Variants in IFT22 observed in about 807,000 individuals in gnomAD.
IFT22 encodes intraflagellar transport 22.
A neutral mutation model predicts 21.0 loss-of-function variants in IFT22; 13 were observed. That is an observed-to-expected ratio of 0.62 (90% confidence interval 0.40 to 0.98). The LOEUF (loss-of-function observed/expected upper bound fraction) is 0.98. Ranked by LOEUF, IFT22 falls within the 50% of genes least tolerant of loss-of-function variation. IFT22 has a pLI of 0.00. For synonymous variants in IFT22, 67 were observed against 82.4 expected (o/e 0.81, Z 1.01); for missense variants, 227 against 228.9 (o/e 0.99, Z 0.06).
chr7:101,321,494 C>A (rs1029153902), intron 1 of IFT22, 177 bp downstream of exon 1: 4 of 620,798 alleles, frequency 6.4e-6, no homozygotes, highest in African/African-American at 5.9e-5. Context: ...TGGTTGGAAT[C>A]AAGGTCTGAA....
At chr7:101,315,363 A>C in intron 4 of IFT22, 81 bp from the exon 5 acceptor site, 1 of 1,474,350 alleles carries the variant, frequency 6.8e-7, no homozygotes, top group African/African-American at 1.4e-5. Flanking sequence ...CTTCTAGAAG[A>C]AATTTAACTT....
In IFT22 at chr7:101,312,890, A is replaced by T. The variant is rs1382388485; in HGVS notation, c.*2244T>A. Among the ~76,000 whole-genome samples, 1 of 149,028 alleles carries T rather than the reference A, an allele frequency of 6.7e-6. No homozygotes were observed. The highest frequency in any genetic ancestry group is 1.5e-5 in the Non-Finnish European group (1 of 67,202). ...CTCTTGTTGCCCAGGCTGGAGTGCA[A>T]TGGCACAATCTCGGCTTACTGCAAC... On this transcript the variant is annotated 3_prime_UTR_variant, in exon 5 of 5. Transcript: ENST00000315322.
rs561339522 is a variant in IFT22 at position 101,320,331 on chromosome 7, C to T, written c.40-1299G>A. Among the ~76,000 whole-genome samples, 133 of 151,570 alleles carry T rather than the reference C, an allele frequency of 8.8e-4. 2 individuals are homozygous for T. The South Asian group carries it at 0.027, about 30-fold the overall frequency. The stretch of plus-strand genomic sequence containing the variant: ...TGTCTCCCAGGCTGGAGTGCAGTGG[C>T]GCAGACTTGGCTCACTGCAAGCTCC... On this transcript the variant is annotated intron_variant, in intron 1 of 4. Transcript: ENST00000315322.
At position 101,312,411 on chromosome 7, in the gene IFT22, CAG is replaced by C. The variant is rs774961447; in HGVS notation, c.*2721_*2722del. Among the ~76,000 whole-genome samples, 1 of 151,860 alleles carries C rather than the reference CAG, an allele frequency of 6.6e-6. No homozygotes were observed. The highest frequency in any genetic ancestry group is 1.5e-5 in the Non-Finnish European group (1 of 68,028). On this transcript the variant is annotated 3_prime_UTR_variant, in exon 5 of 5. Coordinates refer to ENST00000315322, the MANE Select transcript of IFT22 (RefSeq NM_022777.4). Reference sequence around the variant, plus strand: ...TGCCACTGCACTCCAGCCGGGATGACAGAGTGACACCGTGTCTCAAAAAAACA... The same window carrying C: ...TGCCACTGCACTCCAGCCGGGATGACAGTGACACCGTGTCTCAAAAAAACA...
rs1296451470 is a variant in IFT22, at chr7:101,318,075, C to T, written c.206+49G>A. 3 of 1,548,898 alleles carry T rather than the reference C, an allele frequency of 1.9e-6. No individual in the cohort carries two copies. In the Admixed American group the frequency reaches 5.0e-5, roughly 26 times the overall value. ...GAGCCACCGCCCCTGGCTTGGGCAG[C>T]TGATTTTTAAACCATTTGATGAAGT... On this transcript the variant is annotated intron_variant, in intron 3 of 4. Coordinates refer to ENST00000315322, the MANE Select transcript of IFT22 (RefSeq NM_022777.4).
At position 101,318,118 on chromosome 7, in the gene IFT22, A is replaced by G. The variant is rs1016601342; in HGVS notation, c.206+6T>C. ...GATGAAGTGACTTTCTTTAAAGGAA[A>G]CATACTTAGCATCGCCACCACAGTC... On this transcript the variant is annotated splice_donor_region_variant and intron_variant, in intron 3 of 4. Coordinates refer to ENST00000315322, the MANE Select transcript of IFT22 (RefSeq NM_022777.4). 4.3e-6 allele frequency: 7 copies of G among 1,611,340 alleles called. No individual in the cohort carries two copies. Among genetic ancestry groups the G allele is most frequent in the Non-Finnish European group, 5.9e-6 (7 of 1,177,778 alleles).
Position 101,321,793 on chromosome 7 carries a change from A to C in IFT22, c.-84T>G, listed in dbSNP as rs927802974. The C allele has an allele frequency of 7.3e-7, 1 of 1,376,118 alleles. No individual in the cohort carries two copies. Among genetic ancestry groups the C allele is most frequent in the Non-Finnish European group, 9.6e-7 (1 of 1,039,856 alleles). The allele number at this position is 1,376,118 out of a possible 1,614,324, so 85.2% of individuals were successfully genotyped here. A position where few individuals can be genotyped will look rare whatever the true frequency, so the allele number is the denominator to read the frequency against. On this transcript the variant is annotated 5_prime_UTR_variant, in exon 1 of 5. An upstream start codon of the reference 5' UTR is lost. Transcript: ENST00000315322. ...GCTCTACTTGGCCGCTTTCGTTTCC[A>C]TGGCGACGGAGAGAGGCCCGCAGGG...
Position 101,313,718 on chromosome 7 carries a change from G to T in IFT22, c.*1416C>A, listed in dbSNP as rs1013466716. 6.6e-6 allele frequency: 1 copy of T among 152,306 alleles called. No homozygotes were observed. The highest frequency in any genetic ancestry group is 1.9e-4 in the East Asian group (1 of 5,176). The allele number at this position is 152,306 out of a possible 1,614,324, so 9.4% of individuals were successfully genotyped here. ...ATTTGGGGGTTACAAACATATTTTA[G>T]TGAGTAGGCAAATTCTCAAATACAA... On this transcript the variant is annotated 3_prime_UTR_variant, in exon 5 of 5. Transcript: ENST00000315322.
rs891944157 is a variant in IFT22 at position 101,314,781 on chromosome 7, G to A, written c.*353C>T. On this transcript the variant is annotated 3_prime_UTR_variant, in exon 5 of 5. Transcript: ENST00000315322. ...ATCAAGGAATGAAAATCACATTCAA[G>A]CCAATACACGTGATTAAACTACTGT... 7 of 210,100 alleles carry A rather than the reference G, an allele frequency of 3.3e-5. No individual in the cohort carries two copies. The Admixed American group carries it at 3.9e-4, about 12-fold the overall frequency. 13.0% of individuals were successfully genotyped at this position (210,100 alleles called of 1,614,324 possible). A position where few individuals can be genotyped will look rare whatever the true frequency, so the allele number is the denominator to read the frequency against.
At chr7:101,315,311 CAA>C (rs764590536) in intron 4 of IFT22, 29 bp from the exon 5 acceptor site, 15 of 1,613,512 alleles carry the variant, frequency 9.3e-6, no homozygotes, top group South Asian at 2.2e-5. Flanking sequence ...GTTAATTAGG[CAA>C]AGAGTTTCCA....
chr7:101,316,463 G>C lies in IFT22; in HGVS notation c.286C>G (p.Arg96Gly), dbSNP rs140464086. Residue 96 changes from arginine to glycine, a missense_variant, in exon 4 of 5, where the codon CGG (arginine) becomes GGG (glycine). Arg to Gly is a moderately radical substitution (Grantham distance 125). Transcript: ENST00000315322. ...GAATACCACATCTCCATTTCCTTCC[G>C]GTGGCTTGGGATGTCAGCATTGAAG... is the stretch of plus-strand genomic sequence containing the variant. ...IVFNADIPSH[R>G]KEMEMWYSCF... 6.2e-7 allele frequency: 1 copy of C among 1,614,096 alleles called. No homozygotes were observed. Among genetic ancestry groups the C allele is most frequent in the South Asian group, 1.1e-5 (1 of 91,082 alleles).
At chr7:101,321,142 C>T (rs947977764) in intron 1 of IFT22, among the ~76,000 whole-genome samples, 1 of 151,482 alleles carries the variant, frequency 6.6e-6, no homozygotes, top group Non-Finnish European at 1.5e-5. Context: ...GACTCTGTCT[C>T]AAAAAAACAA....
chr7:101,318,904 C>G, intron 2 of IFT22, 52 bp downstream of exon 2: 15 of 1,441,406 alleles, frequency 1.0e-5, no homozygotes, highest in Non-Finnish European at 1.4e-5. Flanking sequence ...AGGAATGAGC[C>G]TCCCTGCCGA....
At chr7:101,316,270 G>T in intron 4 of IFT22, 70 bp downstream of exon 4, 1 of 1,454,576 alleles carries the variant, frequency 6.9e-7, no homozygotes, top group Non-Finnish European at 9.6e-7. Flanking sequence ...TGGTTTCTAG[G>T]ACATGGGACA....
rs1170589232 is a variant in IFT22 at position 101,319,013 on chromosome 7, G to C, written c.59C>G (p.Ala20Gly). The C allele has an allele frequency of 6.2e-7, 1 of 1,613,862 alleles. No individual in the cohort carries two copies. The highest frequency in any genetic ancestry group is 2.2e-5 in the East Asian group (1 of 44,864). ...GTCAGAAGATTCTGTCAGAAAGTTG[G>C]CCAAAACAGTTTTTCCACTCTGTGA... ...GPCESGKTVL[A>G]NFLTESSDIT... The change falls in exon 2 of 5, where the codon GCC becomes GGC. Residue 20 changes from alanine (A) to glycine (G), a missense_variant. Transcript: ENST00000315322.
chr7:101,321,249 G>C (rs373216558), intron 1 of IFT22, among the ~76,000 whole-genome samples: 2 of 152,206 alleles, frequency 1.3e-5, no homozygotes, highest in African/African-American at 4.8e-5. Flanking sequence ...CTTGAGCCCA[G>C]GGAAGTCGAG....
chr7:101,315,307 T>G (rs771446572), intron 4 of IFT22, 25 bp from the exon 5 acceptor site: 6 of 1,613,736 alleles, frequency 3.7e-6, no homozygotes, highest in Admixed American at 1.7e-5. Flanking sequence ...TAAGGTTAAT[T>G]AGGCAAAGAG....
chr7:101,312,039 G>A lies in IFT22; in HGVS notation c.*3095C>T, dbSNP rs557834947. Among the ~76,000 whole-genome samples the A allele has an allele frequency of 2.6e-5, 4 of 152,178 alleles. No homozygotes were observed. Among genetic ancestry groups the A allele is most frequent in the South Asian group, 2.1e-4 (1 of 4,824 alleles). On this transcript the variant is annotated 3_prime_UTR_variant, in exon 5 of 5. Coordinates refer to ENST00000315322, the MANE Select transcript of IFT22 (RefSeq NM_022777.4). ...TTCTACAATAAACCGTAAACTCACC[G>A]TATCTAGTGATTCTGTACATTAAAT...
intron 2 of IFT22, 111 bp downstream of exon 2, chr7:101,318,845 A>G: frequency 1.2e-6 from 1 of 806,348 alleles, no homozygotes; most frequent in Non-Finnish European, 2.1e-6. Context: ...TATATTGCCC[A>G]GGCCTCAGGC....
Sources: allele counts gnomAD v4.1 joint callset (sites outside exome capture counted in the v4.1 genomes callset), GRCh38; gene constraint gnomAD v4.1.1; transcripts MANE v1.5; gene names NCBI Gene and HGNC (gene_info 2026-07-23, HGNC 2026-07-21).